FHIT: variants seen among roughly 807,000 people sequenced by gnomAD.
FHIT encodes fragile histidine triad diadenosine triphosphatase.
FHIT carries 19 observed loss-of-function variants against 17.9 expected under a neutral mutation model. That is an observed-to-expected ratio of 1.06 (90% CI 0.74 to 1.56). FHIT has a LOEUF of 1.56. Ranked by LOEUF, FHIT falls within the 40% of genes most tolerant of loss-of-function variation. The pLI is 0.00. For missense variants in FHIT, 248 were observed against 189.2 expected (o/e 1.31, Z -1.82); for synonymous variants, 81 against 69.7 (o/e 1.16, Z -0.81).
At chr3:60,455,773 T>C (rs370061540) in intron 5 of FHIT, among the ~76,000 whole-genome samples, 1 of 152,158 alleles carries the variant, frequency 6.6e-6, no homozygotes, top group Non-Finnish European at 1.5e-5. Flanking sequence ...AGTAGCTGCA[T>C]GCCCAAATGG....
chr3:61,224,002 A>T (rs1296589295), intron 1 of FHIT, among the ~76,000 whole-genome samples: 1 of 152,218 alleles, frequency 6.6e-6, no homozygotes, highest in Non-Finnish European at 1.5e-5. Context: ...GGTCCAAAGC[A>T]CACTGGGTGA....
intron 3 of FHIT, among the ~76,000 whole-genome samples, chr3:60,826,857 T>A (rs1702143625): frequency 6.6e-6 from 1 of 152,146 alleles, no homozygotes; most frequent in South Asian, 2.1e-4. Context: ...TAAAAGCACA[T>A]TGCAATTTTC....
chr3:59,977,497 GT>G (rs1708466460), intron 7 of FHIT, among the ~76,000 whole-genome samples: 1 of 152,102 alleles, frequency 6.6e-6, no homozygotes, highest in Non-Finnish European at 1.5e-5. Context: ...AGCAAAAAGG[GT>G]AATGAGAAAT....
intron 5 of FHIT, among the ~76,000 whole-genome samples, chr3:60,089,630 A>T (rs1165064374): frequency 2.0e-5 from 3 of 152,180 alleles, no homozygotes. Flanking sequence ...CCACTGTCTT[A>T]CACCATTAGC....
At chr3:60,027,138 C>CAAAAAA (rs1320133940) in intron 5 of FHIT, among the ~76,000 whole-genome samples, 2 of 119,778 alleles carry the variant, frequency 1.7e-5, no homozygotes, top group African/African-American at 7.5e-5. Flanking sequence ...CACACACACA[C>CAAAAAA]ACACACACAC....
At chr3:61,083,430 A>G (rs2035207863) in intron 2 of FHIT, among the ~76,000 whole-genome samples, 1 of 152,170 alleles carries the variant, frequency 6.6e-6, no homozygotes, top group Non-Finnish European at 1.5e-5. Flanking sequence ...CTCTACTAAA[A>G]ATACAAAAAA....
chr3:59,930,727 G>A (rs763462872), intron 7 of FHIT, among the ~76,000 whole-genome samples: 6 of 152,286 alleles, frequency 3.9e-5, no homozygotes, highest in South Asian at 2.1e-4. Flanking sequence ...ATTAGGAAAC[G>A]TTGGGGGGTG....
At chr3:60,426,404 G>A (rs1470842909) in intron 5 of FHIT, among the ~76,000 whole-genome samples, 5 of 151,966 alleles carry the variant, frequency 3.3e-5, no homozygotes, top group African/African-American at 7.2e-5. Context: ...CCCTTCCCAC[G>A]AATTCCCTCC....
intron 2 of FHIT, among the ~76,000 whole-genome samples, chr3:61,066,525 GAATT>G (rs1483260910): frequency 6.6e-6 from 1 of 152,206 alleles, no homozygotes; most frequent in African/African-American, 2.4e-5. Context: ...TGAGGCAGGA[GAATT>G]GCTTGAACCT....
chr3:60,957,392 C>T (rs550293127), intron 3 of FHIT, among the ~76,000 whole-genome samples: 1 of 152,102 alleles, frequency 6.6e-6, no homozygotes, highest in East Asian at 1.9e-4. Context: ...CACGTGCCAC[C>T]ACACCTGGCT....
intron 5 of FHIT, among the ~76,000 whole-genome samples, chr3:60,341,975 G>T (rs544556500): frequency 2.6e-5 from 4 of 152,008 alleles, no homozygotes; most frequent in Middle Eastern, 3.2e-3. Context: ...AAGGGAATTG[G>T]AATTTATTGG....
chr3:60,391,362 C>A (rs956702884), intron 5 of FHIT, among the ~76,000 whole-genome samples: 1 of 152,156 alleles, frequency 6.6e-6, no homozygotes, highest in African/African-American at 2.4e-5. Flanking sequence ...AAGCTCCCAG[C>A]CTCAAGCAAT....
At chr3:60,385,730 C>A (rs1700981765) in intron 5 of FHIT, among the ~76,000 whole-genome samples, 1 of 152,082 alleles carries the variant, frequency 6.6e-6, no homozygotes, top group African/African-American at 2.4e-5. Context: ...AAGGCATGCA[C>A]CGCCATACCC....
chr3:59,883,251 A>G (rs1703482008), intron 8 of FHIT, among the ~76,000 whole-genome samples: 2 of 152,134 alleles, frequency 1.3e-5, no homozygotes, highest in Non-Finnish European at 2.9e-5. Flanking sequence ...ACATTTTACT[A>G]TTGTCTATGC....
At chr3:60,221,094 T>C (rs975280932) in intron 5 of FHIT, among the ~76,000 whole-genome samples, 3 of 152,156 alleles carry the variant, frequency 2.0e-5, no homozygotes, top group African/African-American at 4.8e-5. Flanking sequence ...ATTCTTAATG[T>C]GCCCTACAGC....
chr3:60,200,828 T>C (rs1702867449), intron 5 of FHIT, among the ~76,000 whole-genome samples: 1 of 152,196 alleles, frequency 6.6e-6, no homozygotes, highest in South Asian at 2.1e-4. Flanking sequence ...CACACTGGCA[T>C]CTACAATGTT....
At chr3:60,110,973 G>A (rs954740953) in intron 5 of FHIT, among the ~76,000 whole-genome samples, 4 of 152,086 alleles carry the variant, frequency 2.6e-5, no homozygotes, top group African/African-American at 9.7e-5. Context: ...CAAAGCCTAG[G>A]AGAGTCTCCT....
At chr3:59,863,157 A>G (rs2106857221) in intron 8 of FHIT, among the ~76,000 whole-genome samples, 1 of 152,328 alleles carries the variant, frequency 6.6e-6, no homozygotes, top group South Asian at 2.1e-4. Flanking sequence ...ACCTGGGTCA[A>G]TGCTTGTCTC....
At chr3:61,061,918 T>G (rs1405516673) in intron 2 of FHIT, among the ~76,000 whole-genome samples, 1 of 152,222 alleles carries the variant, frequency 6.6e-6, no homozygotes, top group Admixed American at 6.5e-5. Context: ...ATGTACATTT[T>G]TGCATACAGA....
Sources: gnomAD v4.1 joint callset for allele counts (sites outside exome capture counted in the v4.1 genomes callset) on GRCh38, gnomAD v4.1.1 for gene constraint, MANE v1.5 for transcripts, NCBI Gene and HGNC (gene_info 2026-07-23, HGNC 2026-07-21) for gene names.